The following FYB2 variants were observed in gnomAD, a reference collection of about 807,000 sequenced individuals.
FYB2 encodes the protein FYN-binding protein 2.
FYB2 carries 103 observed loss-of-function variants against 94.1 expected under a neutral mutation model. That is an observed-to-expected ratio of 1.09 (90% CI 0.93 to 1.29). The LOEUF is 1.29. Ranked by LOEUF, FYB2 falls within the 50% of genes most tolerant of loss-of-function variation. FYB2 has a pLI of 0.00. For missense variants in FYB2, 896 were observed against 841.5 expected (o/e 1.06, Z -0.80); for synonymous variants, 293 against 287.9 (o/e 1.02, Z -0.18).
At chr1:56,732,392 A>C (rs972575923) in intron 15 of FYB2, among the ~76,000 whole-genome samples, 4 of 152,204 alleles carry the variant, frequency 2.6e-5, no homozygotes, top group African/African-American at 4.8e-5. Context: ...TATTGTTAAA[A>C]TGACCATATT....
intron 11 of FYB2, among the ~76,000 whole-genome samples, chr1:56,742,881 G>C: frequency 6.6e-6 from 1 of 151,934 alleles, no homozygotes; most frequent in East Asian, 1.9e-4. Flanking sequence ...GAGATTCTAA[G>C]ATCAATCAGA....
At chr1:56,826,225 C>T in the FYB2 span, among the ~76,000 whole-genome samples, 2 of 152,156 alleles carry the variant, frequency 1.3e-5, no homozygotes, top group Admixed American at 1.3e-4. Context: ...GAGGGGTACC[C>T]CCTGCCTTCA....
intron 4 of FYB2, among the ~76,000 whole-genome samples, chr1:56,771,870 A>G (rs1207203561): frequency 1.3e-5 from 2 of 151,534 alleles, no homozygotes; most frequent in African/African-American, 4.9e-5. Flanking sequence ...AGCACATTCC[A>G]CCCAATTGTT....
intron 1 of FYB2, among the ~76,000 whole-genome samples, chr1:56,811,819 A>T (rs1367877958): frequency 1.3e-5 from 2 of 152,250 alleles, no homozygotes; most frequent in Admixed American, 6.5e-5. Context: ...TGATTTTTTT[A>T]AAAGGGTGTG....
rs138347267 is a variant in FYB2, at chr1:56,735,374, G to A, written c.1793+1713C>T. ...AAGCCAGGAATAGAAAGTTAAGCAC[G>A]ACATGTTCTCACTCATATATGAAAG... On this transcript the variant is annotated intron_variant, in intron 15 of 19. Transcript: ENST00000343433. Among the ~76,000 whole-genome samples the A allele has an allele frequency of 2.3e-4, 35 of 152,186 alleles. 1 individual carries two copies. In the East Asian group the frequency reaches 5.8e-3, roughly 25 times the overall value.
intron 8 of FYB2, among the ~76,000 whole-genome samples, chr1:56,753,626 C>T (rs1645253885): frequency 6.6e-6 from 1 of 152,000 alleles, no homozygotes; most frequent in Admixed American, 6.6e-5. Flanking sequence ...TAGTCCCAGC[C>T]CTGCTTCTAA....
chr1:56,728,235 C>A (rs1644625664), intron 15 of FYB2, among the ~76,000 whole-genome samples: 1 of 152,030 alleles, frequency 6.6e-6, no homozygotes, highest in African/African-American at 2.4e-5. Context: ...TCTTTTGCTC[C>A]CAGTCTTCAC....
intron 4 of FYB2, among the ~76,000 whole-genome samples, chr1:56,773,331 A>T (rs1260647591): frequency 6.6e-6 from 1 of 152,180 alleles, no homozygotes; most frequent in East Asian, 1.9e-4. Flanking sequence ...GCTCTAGAGA[A>T]GTTGCTCATG....
At chr1:56,754,052 T>C (rs1645266370) in intron 7 of FYB2, 117 bp from the exon 8 acceptor site, 1 of 667,238 alleles carries the variant, frequency 1.5e-6, no homozygotes, top group Non-Finnish European at 2.6e-6. Context: ...ATATGAATCA[T>C]TTATCTTAGA....
At chr1:56,812,584 T>A (rs919542450) in intron 1 of FYB2, among the ~76,000 whole-genome samples, 3 of 152,192 alleles carry the variant, frequency 2.0e-5, no homozygotes, top group Admixed American at 2.0e-4. Context: ...ACAAAATGTT[T>A]CATTATTTTG....
At chr1:56,816,867 T>TTC (rs972955078) in intron 1 of FYB2, among the ~76,000 whole-genome samples, 3 of 151,816 alleles carry the variant, frequency 2.0e-5, no homozygotes, top group Non-Finnish European at 4.4e-5. Context: ...AATTTTCTTT[T>TTC]TTTTTTTTTT....
chr1:56,763,219 TTTC>T (rs1254556091), intron 5 of FYB2, among the ~76,000 whole-genome samples: 1 of 152,202 alleles, frequency 6.6e-6, no homozygotes, highest in African/African-American at 2.4e-5. Flanking sequence ...GATCTGAAGT[TTTC>T]TTCTTTTGTA....
At chr1:56,773,746 T>C (rs1403912015) in intron 4 of FYB2, among the ~76,000 whole-genome samples, 3 of 152,194 alleles carry the variant, frequency 2.0e-5, no homozygotes, top group Non-Finnish European at 4.4e-5. Context: ...CTTGTATATT[T>C]ATTTTGTTAG....
chr1:56,825,671 A>G, the FYB2 span, among the ~76,000 whole-genome samples: 19 of 152,252 alleles, frequency 1.2e-4, no homozygotes, highest in Non-Finnish European at 2.5e-4. Flanking sequence ...AAGCGCCCCC[A>G]CTTTGTCAAA....
At chr1:56,753,784 C>G (rs1645258005) in intron 8 of FYB2, 55 bp downstream of exon 8, 1 of 1,258,076 alleles carries the variant, frequency 7.9e-7, no homozygotes, top group Non-Finnish European at 1.2e-6. Context: ...TAAAGTCACC[C>G]CCATGAACTG....
chr1:56,800,664 G>A (rs955971251), intron 1 of FYB2, among the ~76,000 whole-genome samples: 2 of 151,926 alleles, frequency 1.3e-5, no homozygotes, highest in Admixed American at 6.6e-5. Context: ...TCACCACATG[G>A]GGTGTAAGGT....
At chr1:56,726,670 T>C (rs1314468792) in intron 15 of FYB2, 87 bp from the exon 16 acceptor site, 2 of 1,097,284 alleles carry the variant, frequency 1.8e-6, no homozygotes, top group Non-Finnish European at 2.6e-6. Context: ...AATTATGTTT[T>C]ACAAAAAATT....
chr1:56,747,955 G>A (rs893573945), intron 9 of FYB2, among the ~76,000 whole-genome samples: 4 of 152,166 alleles, frequency 2.6e-5, no homozygotes, highest in South Asian at 4.1e-4. Context: ...ACTGGCGTGA[G>A]ATGGTATCTC....
At chr1:56,754,743 G>T (rs374775730) in intron 7 of FYB2, among the ~76,000 whole-genome samples, 38 of 151,944 alleles carry the variant, frequency 2.5e-4, no homozygotes, top group African/African-American at 8.9e-4. Context: ...AACTACTCTG[G>T]CTTCCCCTCC....
Sources: gnomAD v4.1 joint callset for allele counts (sites outside exome capture counted in the v4.1 genomes callset) on GRCh38, gnomAD v4.1.1 for gene constraint, MANE v1.5 for transcripts, NCBI Gene and HGNC (gene_info 2026-07-23, HGNC 2026-07-21) for gene names.